The following CAMTA1 variants were observed in gnomAD, a reference collection of about 807,000 sequenced individuals.
CAMTA1 encodes the protein calmodulin binding transcription activator 1, also known as calmodulin-binding transcription activator 1.
In CAMTA1, 27 loss-of-function variants were observed where a neutral mutation model predicts 170.9. That is an observed-to-expected ratio of 0.16 (90% CI 0.12 to 0.22). The LOEUF is 0.22. Ranked by LOEUF, CAMTA1 falls within the 10% of genes least tolerant of loss-of-function variation. The pLI is 1.00. For missense variants in CAMTA1, 1,619 were observed against 2,217.2 expected (o/e 0.73, Z 5.42); for synonymous variants, 833 against 891.5 (o/e 0.93, Z 1.17).
Position 7,663,698 on chromosome 1 carries a change from T to C in CAMTA1, c.1151T>C (p.Met384Thr), listed in dbSNP as rs758182492. ...DSPVVTGVSG[M>T]AVASVMGSLS... ...CCGGTGGTCACAGGTGTGTCCGGTA[T>C]GGCGGTGGCCTCTGTGATGGGGAGC... Residue 384 changes from methionine to threonine, a missense_variant, in exon 9 of 23, where the codon ATG (methionine) becomes ACG (threonine). Physicochemically the swap from Met to Thr is moderately conservative, Grantham distance 81. This residue lies in a region of CAMTA1 where 731 missense variants were observed against 907.6 expected (regional missense o/e 0.81). Transcript: ENST00000303635. 2 of 1,614,036 alleles carry C rather than the reference T, an allele frequency of 1.2e-6. No homozygotes were observed. Among genetic ancestry groups the C allele is most frequent in the East Asian group, 2.2e-5 (1 of 44,860 alleles).
At chr1:6,905,831 A>G (rs549997480) in intron 3 of CAMTA1, among the ~76,000 whole-genome samples, 15 of 152,210 alleles carry the variant, frequency 9.9e-5, no homozygotes, top group Admixed American at 8.5e-4. Context: ...GGCCTCATAT[A>G]CAGAGTGTGC....
At chr1:7,075,959 G>A (rs557888158) in intron 3 of CAMTA1, among the ~76,000 whole-genome samples, 3 of 152,232 alleles carry the variant, frequency 2.0e-5, no homozygotes, top group East Asian at 3.9e-4. Flanking sequence ...CACCACGCCC[G>A]GCCCAATCTC....
At position 6,970,060 on chromosome 1, in the gene CAMTA1, AC is replaced by A. The variant is rs1175053714; in HGVS notation, c.235-121241del. On this transcript the variant is annotated intron_variant, in intron 3 of 22. Transcript: ENST00000303635. The surrounding 1 kb of genome is among the most constrained non-coding windows in gnomAD (Gnocchi z 4.4). ...CCCACCAACCCTGTGTGGTCAACTC[AC>A]CCTCTCCCTCCCAGGATCTCTAACC... Among the ~76,000 whole-genome samples the A allele has an allele frequency of 6.6e-6, 1 of 151,826 alleles. No homozygotes were observed. Among genetic ancestry groups the A allele is most frequent in the African/African-American group, 2.4e-5 (1 of 41,286 alleles).
chr1:7,496,410 G>A (rs958179985), intron 6 of CAMTA1, among the ~76,000 whole-genome samples: 1 of 152,158 alleles, frequency 6.6e-6, no homozygotes, highest in East Asian at 1.9e-4. Flanking sequence ...TGAGACTGTG[G>A]GGAGGGGCAA....
chr1:7,501,145 G>A (rs1332267803), intron 6 of CAMTA1, among the ~76,000 whole-genome samples: 1 of 152,156 alleles, frequency 6.6e-6, no homozygotes, highest in African/African-American at 2.4e-5. Context: ...TGAGTAAGCA[G>A]GTTCTAGGGC....
intron 5 of CAMTA1, among the ~76,000 whole-genome samples, chr1:7,319,449 G>C (rs1348588490): frequency 2.0e-5 from 3 of 152,116 alleles, no homozygotes; most frequent in Non-Finnish European, 4.4e-5. Context: ...TGAAATGCCT[G>C]TTCCTGCTGT....
intron 5 of CAMTA1, among the ~76,000 whole-genome samples, chr1:7,386,035 G>A (rs1214892791): frequency 3.3e-5 from 5 of 152,208 alleles, no homozygotes; most frequent in East Asian, 3.9e-4. Context: ...AGGCTCCTCC[G>A]CTCCCCCAGA....
At chr1:6,924,965 C>G (rs1682806624) in intron 3 of CAMTA1, among the ~76,000 whole-genome samples, 1 of 152,216 alleles carries the variant, frequency 6.6e-6, no homozygotes, top group African/African-American at 2.4e-5. Context: ...TTGGGGGGGA[C>G]TGTGCTGTGG....
intron 4 of CAMTA1, among the ~76,000 whole-genome samples, chr1:7,198,662 C>A (rs1212633936): frequency 6.6e-6 from 1 of 152,050 alleles, no homozygotes. Context: ...TGGCAGCTTC[C>A]ACCTCTAGGA....
At chr1:7,464,699 C>T (rs535696810) in intron 5 of CAMTA1, among the ~76,000 whole-genome samples, 21 of 152,278 alleles carry the variant, frequency 1.4e-4, no homozygotes, top group Non-Finnish European at 1.6e-4. Flanking sequence ...TTTGCAGCCT[C>T]CTCTGATGTC....
At chr1:6,868,712 A>C (rs766770326) in intron 3 of CAMTA1, among the ~76,000 whole-genome samples, 15 of 152,170 alleles carry the variant, frequency 9.9e-5, no homozygotes, top group Non-Finnish European at 1.3e-4. Context: ...TCCCTATAAA[A>C]TGTTGTCCAG....
chr1:7,753,773 T>C (rs1209346903), intron 21 of CAMTA1, among the ~76,000 whole-genome samples: 1 of 152,222 alleles, frequency 6.6e-6, no homozygotes, highest in Non-Finnish European at 1.5e-5. Context: ...CAGAAGCTAA[T>C]GTTCACTCGC....
rs191569051 is a variant in CAMTA1, at chr1:7,144,642, C to A, written c.302+53271C>A. Among the ~76,000 whole-genome samples the A allele has an allele frequency of 3.9e-5, 6 of 152,294 alleles. No individual in the cohort carries two copies. The highest frequency in any genetic ancestry group is 1.2e-4 in the African/African-American group (5 of 41,562). On this transcript the variant is annotated intron_variant, in intron 4 of 22. Transcript: ENST00000303635. This position sits in a 1 kb window ranked among gnomAD's most constrained non-coding sequence, Gnocchi z 4.0. ...TTGTTTATACAGATATTAGGACTTG[C>A]AATTGTCAGGTCACACCACTCAGAA...
At chr1:6,938,306 G>A (rs1312197613) in intron 3 of CAMTA1, among the ~76,000 whole-genome samples, 1 of 152,160 alleles carries the variant, frequency 6.6e-6, no homozygotes, top group Non-Finnish European at 1.5e-5. Context: ...TCAGCTCTGG[G>A]GACCAGGGCG....
At chr1:6,804,130 G>T (rs1180941515) in intron 1 of CAMTA1, among the ~76,000 whole-genome samples, 1 of 151,342 alleles carries the variant, frequency 6.6e-6, no homozygotes, top group Admixed American at 6.6e-5. Flanking sequence ...GTTGCAGTGT[G>T]TCGAGATTGT....
At chr1:7,451,859 C>T (rs1422343856) in intron 5 of CAMTA1, among the ~76,000 whole-genome samples, 1 of 152,204 alleles carries the variant, frequency 6.6e-6, no homozygotes, top group Non-Finnish European at 1.5e-5. Flanking sequence ...TCCAGTAGCT[C>T]TGCTGGGCCG....
chr1:7,066,390 G>GGT (rs1380261220), intron 3 of CAMTA1, among the ~76,000 whole-genome samples: 2 of 152,150 alleles, frequency 1.3e-5, no homozygotes, highest in African/African-American at 4.8e-5. Context: ...TGATAAACAG[G>GGT]GTGTGTCATT....
chr1:7,452,832 G>C (rs2092859665), intron 5 of CAMTA1, among the ~76,000 whole-genome samples: 1 of 152,240 alleles, frequency 6.6e-6, no homozygotes, highest in African/African-American at 2.4e-5. Context: ...TGTGTGTGCA[G>C]GTACCTGTTT....
rs185761517 is a variant in CAMTA1 at position 7,694,291 on chromosome 1, T to C, written c.2914+16558T>C. 3 of 152,348 alleles carry C rather than the reference T, an allele frequency of 2.0e-5. No individual in the cohort carries two copies. In the East Asian group the frequency reaches 5.8e-4, roughly 29 times the overall value. 9.4% of individuals were successfully genotyped at this position (152,348 alleles called of 1,614,324 possible). A position where few individuals can be genotyped will look rare whatever the true frequency, so the allele number is the denominator to read the frequency against. On this transcript the variant is annotated intron_variant, in intron 11 of 22. Transcript: ENST00000303635. ...GATCTTATGTAGTATTCAGCAGTTC[T>C]CTGGGGACAAAGAGCACATTTTACT... is the stretch of plus-strand genomic sequence containing the variant.
Sources: allele counts gnomAD v4.1 joint callset (sites outside exome capture counted in the v4.1 genomes callset), GRCh38; gene constraint gnomAD v4.1.1; regional missense constraint gnomAD v4.1.1; non-coding constraint Gnocchi (gnomAD v3.1); transcripts MANE v1.5; gene names NCBI Gene and HGNC (gene_info 2026-07-23, HGNC 2026-07-21).